ILDR1: variants seen among roughly 807,000 people sequenced by gnomAD.
ILDR1 encodes the protein immunoglobulin-like domain-containing receptor 1.
A neutral mutation model predicts 62.4 loss-of-function variants in ILDR1; 56 were observed. The ratio of observed to expected loss-of-function variants is 0.90; its 90% CI spans 0.72 to 1.12. The LOEUF (loss-of-function observed/expected upper bound fraction) is 1.12. ILDR1 is among the 50% of genes most tolerant of loss of function. The pLI is 0.00. For synonymous variants in ILDR1, 284 were observed against 277.8 expected (o/e 1.02, Z -0.22); for missense variants, 736 against 710.6 (o/e 1.04, Z -0.41).
Position 121,993,864 on chromosome 3 carries a change from G to A in ILDR1, c.885C>T (p.Asn295=), listed in dbSNP as rs771867997. The change falls in exon 7 of 8, where the codon AAC becomes AAT. Residue 295 remains asparagine (N), a synonymous_variant. Coordinates refer to ENST00000344209, the MANE Select transcript of ILDR1 (RefSeq NM_001199799.2). ...VLEYLEKELR[N]LNLAQPLPPD... Reference sequence around the variant, plus strand: ...GGGGCAGAGGCTGGGCCAGGTTGAGGTTCCGCAGTTCTTTCTCCAAATACT... The same window carrying A: ...GGGGCAGAGGCTGGGCCAGGTTGAGATTCCGCAGTTCTTTCTCCAAATACT... 2 of 1,614,026 alleles carry A rather than the reference G, an allele frequency of 1.2e-6. No homozygotes were observed. Among genetic ancestry groups the A allele is most frequent in the Admixed American group, 1.7e-5 (1 of 60,016 alleles).
At chr3:122,037,681 C>T in the ILDR1 span, among the ~76,000 whole-genome samples, 4 of 152,080 alleles carry the variant, frequency 2.6e-5, no homozygotes, top group South Asian at 2.1e-4. Flanking sequence ...TGAGTTAAGA[C>T]TAGGGGGCTG....
chr3:122,047,232 G>T, the ILDR1 span, among the ~76,000 whole-genome samples: 2 of 151,812 alleles, frequency 1.3e-5, no homozygotes, highest in South Asian at 2.1e-4. Flanking sequence ...AGGCTGCTCG[G>T]GGGTCAGGGG....
chr3:122,036,762 C>T, the ILDR1 span, among the ~76,000 whole-genome samples: 1 of 152,186 alleles, frequency 6.6e-6, no homozygotes, highest in African/African-American at 2.4e-5. Flanking sequence ...GAAAATGTCT[C>T]TAGGGCATTT....
chr3:121,988,595 T>G (rs1235459940), intron 7 of ILDR1, among the ~76,000 whole-genome samples, 187 bp from the exon 8 acceptor site: 1 of 152,232 alleles, frequency 6.6e-6, no homozygotes. Flanking sequence ...GGCTTAGGTT[T>G]TTCTTGCTTA....
upstream of ILDR1, chr3:122,022,320 C>CG (rs1342367027): frequency 7.1e-6 from 3 of 425,362 alleles, no homozygotes; most frequent in African/African-American, 6.3e-5. Flanking sequence ...CTGCTCCGCC[C>CG]CCGCCTCCCG....
At chr3:122,032,499 T>A in the ILDR1 span, among the ~76,000 whole-genome samples, 3 of 152,310 alleles carry the variant, frequency 2.0e-5, no homozygotes, top group East Asian at 5.8e-4. Flanking sequence ...AGGGTAAAAT[T>A]GTTTGGTCAT....
At chr3:122,032,257 T>A in the ILDR1 span, among the ~76,000 whole-genome samples, 1 of 152,246 alleles carries the variant, frequency 6.6e-6, no homozygotes, top group Non-Finnish European at 1.5e-5. Flanking sequence ...TCTCTTTTGC[T>A]TAATATGTTG....
chr3:122,040,259 C>T, the ILDR1 span, among the ~76,000 whole-genome samples: 1 of 151,684 alleles, frequency 6.6e-6, no homozygotes. Context: ...GTCAATTTTA[C>T]ATAAAGTTAC....
At chr3:122,032,223 T>C in the ILDR1 span, among the ~76,000 whole-genome samples, 368 of 152,346 alleles carry the variant, frequency 2.4e-3, 2 homozygotes, top group African/African-American at 8.4e-3. Flanking sequence ...AAAACAACAA[T>C]GTAGTACACA....
At chr3:122,052,572 T>TTTG in the ILDR1 span, among the ~76,000 whole-genome samples, 33 of 152,228 alleles carry the variant, frequency 2.2e-4, no homozygotes, top group South Asian at 1.9e-3. Flanking sequence ...ACTTTGGTTT[T>TTTG]TTGTTGTTGT....
the ILDR1 span, among the ~76,000 whole-genome samples, chr3:122,038,553 T>C: frequency 3.9e-3 from 591 of 152,300 alleles, 4 homozygotes; most frequent in South Asian, 0.013. Flanking sequence ...ACCTCAGTAT[T>C]TACTATCTTA....
chr3:122,007,920 G>A (rs971074985), intron 1 of ILDR1, among the ~76,000 whole-genome samples: 2 of 152,090 alleles, frequency 1.3e-5, no homozygotes, highest in Admixed American at 6.5e-5. Flanking sequence ...TCCTAAGTGC[G>A]CCAACCTACC....
At chr3:122,017,205 C>T (rs946852251) in intron 1 of ILDR1, among the ~76,000 whole-genome samples, 1 of 152,232 alleles carries the variant, frequency 6.6e-6, no homozygotes, top group African/African-American at 2.4e-5. Flanking sequence ...TCTGCCACCA[C>T]GCTGGGCTAA....
At chr3:122,055,647 C>A in the ILDR1 span, 1 of 734,754 alleles carries the variant, frequency 1.4e-6, no homozygotes, top group South Asian at 1.8e-5. Context: ...AGATCTTTGG[C>A]ACATAAAGGC....
chr3:121,999,766 G>A (rs1364359401), intron 5 of ILDR1, among the ~76,000 whole-genome samples: 2 of 152,092 alleles, frequency 1.3e-5, no homozygotes, highest in Non-Finnish European at 2.9e-5. Flanking sequence ...GGGATGGGAG[G>A]TCAGACTCAC....
rs970455560 is a variant in ILDR1, at chr3:121,987,973, T to A, written c.*394A>T. 2 of 346,396 alleles carry A rather than the reference T, an allele frequency of 5.8e-6. No individual in the cohort carries two copies. Among genetic ancestry groups the A allele is most frequent in the African/African-American group, 4.3e-5 (2 of 46,682 alleles). The allele number at this position is 346,396 out of a possible 1,614,324, so 21.5% of individuals were successfully genotyped here. ...AGGCTGGAATACAGATGTGTGATCA[T>A]GGGATCCTGGCTCATTGCAGCCTTG... On this transcript the variant is annotated 3_prime_UTR_variant, in exon 8 of 8. Coordinates refer to ENST00000344209, the MANE Select transcript of ILDR1 (RefSeq NM_001199799.2).
the ILDR1 span, among the ~76,000 whole-genome samples, chr3:122,057,424 C>T: frequency 6.6e-6 from 1 of 152,130 alleles, no homozygotes; most frequent in African/African-American, 2.4e-5. Context: ...TAAAATTCCA[C>T]TGTAGAACAA....
At position 121,993,842 on chromosome 3, in the gene ILDR1, G is replaced by C. The variant is rs1469288195; in HGVS notation, c.907C>G (p.Pro303Ala). 6.2e-7 allele frequency: 1 copy of C among 1,614,042 alleles called. No homozygotes were observed. The highest frequency in any genetic ancestry group is 8.5e-7 in the Non-Finnish European group (1 of 1,180,032). ...CCAAATCTGCCTTTGAGGTCAGGGG[G>C]CAGAGGCTGGGCCAGGTTGAGGTTC... is the stretch of plus-strand genomic sequence containing the variant. ...LRNLNLAQPLPPDLKGRFGHP... is the reference protein window; with the variant it reads ...LRNLNLAQPLAPDLKGRFGHP... Residue 303 changes from proline (P) to alanine (A), a missense_variant, in exon 7 of 8, where the codon CCC becomes GCC. Transcript: ENST00000344209.
chr3:121,994,416 C>G, intron 5 of ILDR1, 103 bp from the exon 6 acceptor site: 2 of 1,321,200 alleles, frequency 1.5e-6, no homozygotes, highest in Admixed American at 2.7e-5. Flanking sequence ...GCCAGCTTCT[C>G]TTGTCCATTC....
Sources: gnomAD v4.1 joint callset for allele counts (sites outside exome capture counted in the v4.1 genomes callset) on GRCh38, gnomAD v4.1.1 for gene constraint, MANE v1.5 for transcripts, NCBI Gene and HGNC (gene_info 2026-07-23, HGNC 2026-07-21) for gene names.